PDE10A: variants seen among roughly 807,000 people sequenced by gnomAD.
PDE10A encodes the protein cAMP and cAMP-inhibited cGMP 3',5'-cyclic phosphodiesterase 10A.
PDE10A carries 39 observed loss-of-function variants against 97.7 expected under a neutral mutation model. That is an observed-to-expected ratio of 0.40 (90% confidence interval 0.31 to 0.52). The LOEUF is 0.52. Among genes scored for constraint, PDE10A ranks in the 20% least tolerant of loss-of-function variants. PDE10A has a pLI of 0.56. For missense variants in PDE10A, 731 were observed against 1,047.8 expected, an observed-to-expected ratio of 0.70 and a Z score of 4.17; for synonymous variants, 371 against 376.8, an observed-to-expected ratio of 0.98 and a Z score of 0.18.
intron 18 of PDE10A, among the ~76,000 whole-genome samples, chr6:165,377,010 A>C (rs1257963861): frequency 6.6e-6 from 1 of 152,244 alleles, no homozygotes; most frequent in African/African-American, 2.4e-5. Flanking sequence ...ATACTGAGGC[A>C]AGACCCTTCA....
At chr6:165,803,995 C>A (rs1204384426) in intron 1 of PDE10A, among the ~76,000 whole-genome samples, 3 of 152,152 alleles carry the variant, frequency 2.0e-5, no homozygotes, top group East Asian at 3.8e-4. Context: ...GTCTGGTGGC[C>A]TCTATTTTTC....
At chr6:165,808,622 C>T (rs770115391) in intron 1 of PDE10A, among the ~76,000 whole-genome samples, 8 of 152,166 alleles carry the variant, frequency 5.3e-5, no homozygotes, top group Non-Finnish European at 8.8e-5. Context: ...AGGAATTAGC[C>T]GTGTCACATC....
intron 1 of PDE10A, among the ~76,000 whole-genome samples, chr6:165,579,487 C>T (rs1785493377): frequency 6.6e-6 from 1 of 152,226 alleles, no homozygotes; most frequent in Admixed American, 6.5e-5. Context: ...ACCTCACATC[C>T]ATACCATTAA....
intron 1 of PDE10A, among the ~76,000 whole-genome samples, chr6:165,669,536 T>G (rs1790588800): frequency 6.6e-6 from 1 of 152,202 alleles, no homozygotes; most frequent in Non-Finnish European, 1.5e-5. Context: ...GTTTTATTGT[T>G]TCCAAGTACA....
At position 165,747,755 on chromosome 6, in the gene PDE10A, C is replaced by A. The variant is rs184610468; in HGVS notation, c.-614-204187G>T. On this transcript the variant is annotated intron_variant, in intron 1 of 19. Coordinates refer to the PDE10A transcript ENST00000366882. ...TTCTGCAGCATGCTGGGCAGCTGGGCAGGACCTGGTGAAGGTCCAGGCAGA... is the reference window on the plus strand; with the variant it reads ...TTCTGCAGCATGCTGGGCAGCTGGGAAGGACCTGGTGAAGGTCCAGGCAGA... Among the ~76,000 whole-genome samples, 233 of 152,232 alleles carry A rather than the reference C, an allele frequency of 1.5e-3. 2 individuals carry two copies. Among genetic ancestry groups the A allele is most frequent in the African/African-American group, 5.1e-3 (213 of 41,542 alleles).
At chr6:165,406,655 C>T (rs942215660) in intron 13 of PDE10A, among the ~76,000 whole-genome samples, 2 of 152,020 alleles carry the variant, frequency 1.3e-5, no homozygotes, top group African/African-American at 2.4e-5. Context: ...AGAGGATGCT[C>T]GGATAGCAGG....
intron 1 of PDE10A, among the ~76,000 whole-genome samples, chr6:165,607,201 A>G (rs2128399134): frequency 6.6e-6 from 1 of 152,364 alleles, no homozygotes; most frequent in East Asian, 1.9e-4. Flanking sequence ...ATGAGCATGT[A>G]CTACACACCC....
intron 1 of PDE10A, among the ~76,000 whole-genome samples, chr6:165,832,794 A>G (rs987626830): frequency 1.3e-5 from 2 of 152,248 alleles, no homozygotes; most frequent in Admixed American, 1.3e-4. Flanking sequence ...ACAGAGTTTA[A>G]TTGGCAGAAT....
chr6:165,850,414 G>GCCT (rs1267313117), intron 1 of PDE10A, among the ~76,000 whole-genome samples: 2 of 152,162 alleles, frequency 1.3e-5, no homozygotes, highest in African/African-American at 4.8e-5. Context: ...GAGAAGCTAA[G>GCCT]CCTCTTGTTC....
chr6:165,821,653 G>T (rs1779574307), intron 1 of PDE10A, among the ~76,000 whole-genome samples: 1 of 152,202 alleles, frequency 6.6e-6, no homozygotes, highest in South Asian at 2.1e-4. Flanking sequence ...CGAGTAGCTG[G>T]TATTACAGGC....
At chr6:165,817,269 TATCCTGGGAATAAAC>T (rs1222228611) in intron 1 of PDE10A, among the ~76,000 whole-genome samples, 4 of 152,214 alleles carry the variant, frequency 2.6e-5, no homozygotes, top group African/African-American at 7.2e-5. Flanking sequence ...AAAAGAGGGC[TATCCTGGGAATAAAC>T]ATCCTGGGAA....
At chr6:165,677,301 CT>C (rs1243066045) in intron 1 of PDE10A, among the ~76,000 whole-genome samples, 1 of 152,196 alleles carries the variant, frequency 6.6e-6, no homozygotes, top group Non-Finnish European at 1.5e-5. Flanking sequence ...AACACCAGCT[CT>C]TCCCTGGGCC....
chr6:165,532,486 A>AG (rs1782841798), intron 2 of PDE10A, among the ~76,000 whole-genome samples: 1 of 151,912 alleles, frequency 6.6e-6, no homozygotes, highest in African/African-American at 2.4e-5. Context: ...AATGTACAAT[A>AG]AGTGCATGTA....
Position 165,796,117 on chromosome 6 carries a change from A to T in PDE10A, c.-615+191412T>A, listed in dbSNP as rs562881003. On this transcript the variant is annotated intron_variant, in intron 1 of 19. Transcript: ENST00000366882. ...TTTTTTTTTTTTTTTTTTTTTTGAG[A>T]CGGAGTCTTGATCTGTCACCCAGGC... is the stretch of plus-strand genomic sequence containing the variant. Among the ~76,000 whole-genome samples the T allele has an allele frequency of 8.5e-5, 8 of 94,100 alleles. No individual in the cohort carries two copies. In the South Asian group the frequency reaches 1.5e-3, roughly 17 times the overall value. The allele number at this position is 94,100 out of a possible 152,430, so 61.7% of individuals were successfully genotyped here.
chr6:165,898,604 C>T (rs1782020609), intron 1 of PDE10A, among the ~76,000 whole-genome samples: 1 of 152,112 alleles, frequency 6.6e-6, no homozygotes, highest in Non-Finnish European at 1.5e-5. Context: ...CTGTCCCTTA[C>T]ATCCTGGGAA....
chr6:165,454,441 A>C (rs977472523), intron 3 of PDE10A, among the ~76,000 whole-genome samples: 9 of 152,348 alleles, frequency 5.9e-5, no homozygotes, highest in African/African-American at 2.2e-4. Context: ...CCAACGCAAC[A>C]GTACGGAGAG....
At chr6:165,814,860 C>T (rs2128467925) in intron 1 of PDE10A, among the ~76,000 whole-genome samples, 2 of 152,070 alleles carry the variant, frequency 1.3e-5, no homozygotes, top group South Asian at 4.2e-4. Context: ...TGCGTCAGTT[C>T]CGTTCCTCTG....
intron 13 of PDE10A, among the ~76,000 whole-genome samples, chr6:165,411,425 T>A (rs965948306): frequency 6.6e-6 from 1 of 152,096 alleles, no homozygotes; most frequent in South Asian, 2.1e-4. Flanking sequence ...GACACAGGCA[T>A]GTACACAGAG....
At chr6:165,348,914 G>A (rs472328) in intron 18 of PDE10A, among the ~76,000 whole-genome samples, 33,176 of 152,052 alleles carry the variant, frequency 0.22, 3,934 homozygotes, top group African/African-American at 0.28. Flanking sequence ...TAGCTTCCCC[G>A]TCTGTCATAA....
Sources: allele counts gnomAD v4.1 joint callset (sites outside exome capture counted in the v4.1 genomes callset), GRCh38; gene constraint gnomAD v4.1.1; transcripts MANE v1.5; gene names NCBI Gene and HGNC (gene_info 2026-07-23, HGNC 2026-07-21).